Variants in GP6 observed in about 807,000 individuals in gnomAD.
GP6 encodes the protein platelet glycoprotein VI.
Under a neutral mutation model 37.3 loss-of-function variants are expected in GP6, and 45 were observed. The observed-to-expected ratio is 1.21, with a 90% confidence interval of 0.95 to 1.55. The LOEUF is 1.55. Ranked by LOEUF, GP6 falls within the 40% of genes most tolerant of loss-of-function variation. The pLI is 0.00. For synonymous variants in GP6, 340 were observed against 316.4 expected, an observed-to-expected ratio of 1.07 and a Z score of -0.79; for missense variants, 813 against 760.2, an observed-to-expected ratio of 1.07 and a Z score of -0.82.
At chr19:55,035,089 C>G (rs1477441293) in intron 1 of GP6, among the ~76,000 whole-genome samples, 1 of 152,164 alleles carries the variant, frequency 6.6e-6, no homozygotes, top group African/African-American at 2.4e-5. Flanking sequence ...GACTCCAAGT[C>G]GCCATAATCG....
Position 55,015,095 on chromosome 19 carries a change from G to A in GP6, c.850C>T (p.Pro284Ser). 1 of 1,595,276 alleles carries A rather than the reference G, an allele frequency of 6.3e-7. No individual in the cohort carries two copies. The highest frequency in any genetic ancestry group is 1.3e-5 in the African/African-American group (1 of 74,664). The change falls in exon 8 of 8, where the codon CCT becomes TCT. Residue 284 changes from proline (P) to serine (S), a missense_variant. Coordinates refer to ENST00000310373, the MANE Select transcript of GP6 (RefSeq NM_001083899.2). Reference sequence around the variant, plus strand: ...AGTCCTCTGCCAGAAACCCCGCCAGGATTATTAGGATCACAGCCCCGAGGC... The same window carrying A: ...AGTCCTCTGCCAGAAACCCCGCCAGAATTATTAGGATCACAGCCCCGAGGC...
chr19:55,026,205 T>C (rs1259596714), intron 4 of GP6, among the ~76,000 whole-genome samples: 1 of 152,224 alleles, frequency 6.6e-6, no homozygotes. Flanking sequence ...GTATTTTGTT[T>C]GATTTAATAT....
At chr19:55,030,380 C>T (rs1197553503) in intron 3 of GP6, among the ~76,000 whole-genome samples, 1 of 151,314 alleles carries the variant, frequency 6.6e-6, no homozygotes, top group Non-Finnish European at 1.5e-5. Context: ...CGGAGTCTTG[C>T]TCTGTCGCCC....
At chr19:55,033,013 T>C (rs865833695) in intron 1 of GP6, 10 of 153,964 alleles carry the variant, frequency 6.5e-5, no homozygotes, top group South Asian at 2.0e-4. Context: ...TTAGACGCGG[T>C]GGACTCGTTC....
rs565074861 is a variant in GP6, at chr19:55,032,595, C to T, written c.35-57G>A. 2.5e-6 allele frequency: 4 copies of T among 1,581,178 alleles called. No individual in the cohort carries two copies. The South Asian group carries it at 3.4e-5, about 13-fold the overall frequency. ...GACTCGCTTTTATGGACATTCCTGC[C>T]TGCTGGGCGCGGTGATAAGACATTT... On this transcript the variant is annotated intron_variant, in intron 1 of 7. Transcript: ENST00000310373.
chr19:55,014,436 G>C lies in GP6; in HGVS notation c.1509C>G (p.Leu503=). 1 of 1,613,710 alleles carries C rather than the reference G, an allele frequency of 6.2e-7. No homozygotes were observed. Among genetic ancestry groups the C allele is most frequent in the Non-Finnish European group, 8.5e-7 (1 of 1,179,602 alleles). The change falls in exon 8 of 8, where the codon CTC becomes CTG. Residue 503 remains leucine (L), a synonymous_variant. Coordinates refer to ENST00000310373, the MANE Select transcript of GP6 (RefSeq NM_001083899.2). ...CAAGACCCGTTCTGAGAGACGAAAG[G>C]AGATTTGTTAGACCGCAGTGGGAGA...
In GP6 at chr19:55,014,886, C is replaced by T; in HGVS notation, c.1059G>A (p.Glu353=). The T allele has an allele frequency of 6.2e-7, 1 of 1,613,974 alleles. No homozygotes were observed. The highest frequency in any genetic ancestry group is 8.5e-7 in the Non-Finnish European group (1 of 1,180,016). ...TGAGTCGCCTCCCATGCCATGATCC[C>T]TCCCTTGGATACGACCGTGCCTGGG... The change falls in exon 8 of 8, where the codon GAG becomes GAA. Residue 353 remains glutamate, a synonymous_variant. Transcript: ENST00000310373.
intron 5 of GP6, among the ~76,000 whole-genome samples, chr19:55,021,199 A>AGG (rs1264332634): frequency 2.4e-5 from 2 of 83,892 alleles, no homozygotes; most frequent in African/African-American, 8.4e-5. Flanking sequence ...TCTCTACTAA[A>AGG]AGAAAAAAAA....
In GP6 at chr19:55,013,761, G is replaced by A; in HGVS notation, c.*321C>T. On this transcript the variant is annotated 3_prime_UTR_variant, in exon 8 of 8. Transcript: ENST00000310373. ...AGTAGAGATGGGGTCTCACTATGTT[G>A]CCCAGGCTGGTCTTGAACTCCTGGG... The A allele has an allele frequency of 4.0e-6, 1 of 252,756 alleles. No individual in the cohort carries two copies. Among genetic ancestry groups the A allele is most frequent in the South Asian group, 4.7e-5 (1 of 21,158 alleles). The allele number at this position is 252,756 out of a possible 1,614,324, so 15.7% of individuals were successfully genotyped here. A position where few individuals can be genotyped will look rare whatever the true frequency, so the allele number is the denominator to read the frequency against.
At chr19:55,036,430 AG>A (rs2074832759) in intron 1 of GP6, among the ~76,000 whole-genome samples, 1 of 151,976 alleles carries the variant, frequency 6.6e-6, no homozygotes. Flanking sequence ...TAACCTGTAC[AG>A]GCCACACCTG....
At chr19:55,030,842 A>G (rs973322346) in intron 3 of GP6, among the ~76,000 whole-genome samples, 2 of 151,958 alleles carry the variant, frequency 1.3e-5, no homozygotes, top group African/African-American at 4.8e-5. Flanking sequence ...AGTTGTGTCT[A>G]TGGTTAGTTT....
At position 55,014,413 on chromosome 19, in the gene GP6, AG is replaced by A. The variant is rs1471654235; in HGVS notation, c.1531del (p.Ala512GlnfsTer13). On this transcript the variant is annotated frameshift_variant, in exon 8 of 8. Transcript: ENST00000310373. LOFTEE classifies it low-confidence loss of function (END_TRUNC). ...GAATGACATACCCAAACTGCCTGCA[AG>A]ACCCGTTCTGAGAGACGAAAGGAGA... is the stretch of plus-strand genomic sequence containing the variant. The A allele has an allele frequency of 6.2e-7, 1 of 1,613,646 alleles. No homozygotes were observed. The highest frequency in any genetic ancestry group is 1.3e-5 in the African/African-American group (1 of 74,928).
chr19:55,028,598 A>G (rs1328474772), intron 3 of GP6, among the ~76,000 whole-genome samples: 1 of 152,200 alleles, frequency 6.6e-6, no homozygotes, highest in East Asian at 1.9e-4. Flanking sequence ...CAAAACATCA[A>G]CTTGTACACC....
chr19:55,037,324 T>G (rs1020318224), intron 1 of GP6, among the ~76,000 whole-genome samples: 1 of 141,748 alleles, frequency 7.1e-6, no homozygotes, highest in East Asian at 2.2e-4. Context: ...AGTCCAGATA[T>G]CAATTCCACA....
chr19:55,029,566 G>T (rs1428252268), intron 3 of GP6, among the ~76,000 whole-genome samples: 20 of 149,720 alleles, frequency 1.3e-4, no homozygotes, highest in Non-Finnish European at 2.5e-4. Context: ...AATTTTGTAT[G>T]TTTAGTAGAG....
At chr19:55,026,421 A>G (rs985036949) in intron 4 of GP6, among the ~76,000 whole-genome samples, 1 of 139,160 alleles carries the variant, frequency 7.2e-6, no homozygotes, top group Non-Finnish European at 1.6e-5. Context: ...TCCTTTGACT[A>G]GAATCATACA....
At chr19:55,037,283 T>C (rs1211022852) in intron 1 of GP6, among the ~76,000 whole-genome samples, 1 of 151,926 alleles carries the variant, frequency 6.6e-6, no homozygotes, top group Non-Finnish European at 1.5e-5. Context: ...TCCACTACTG[T>C]AGGGGATACT....
intron 1 of GP6, among the ~76,000 whole-genome samples, chr19:55,036,584 A>T (rs1237909084): frequency 1.3e-5 from 2 of 152,144 alleles, no homozygotes; most frequent in South Asian, 4.1e-4. Flanking sequence ...CTGTAGTTCC[A>T]GATACTCAGG....
At chr19:55,024,284 A>ACATGCACGCACACG (rs1568612369) in intron 5 of GP6, among the ~76,000 whole-genome samples, 2 of 28,676 alleles carry the variant, frequency 7.0e-5, no homozygotes, top group Non-Finnish European at 2.1e-4. Flanking sequence ...ATGCACACAC[A>ACATGCACGCACACG]CACATATGCA....
Sources: gnomAD v4.1 joint callset for allele counts (sites outside exome capture counted in the v4.1 genomes callset) on GRCh38, gnomAD v4.1.1 for gene constraint, MANE v1.5 for transcripts, NCBI Gene and HGNC (gene_info 2026-07-23, HGNC 2026-07-21) for gene names.